The following ERCC6L2 variants were observed in gnomAD, a reference collection of about 807,000 sequenced individuals.
The protein encoded by ERCC6L2 is DNA excision repair protein ERCC-6-like 2.
ERCC6L2 carries 77 observed loss-of-function variants against 132.0 expected under a neutral mutation model. That is an observed-to-expected ratio of 0.58 (90% CI 0.49 to 0.71). The LOEUF (loss-of-function observed/expected upper bound fraction) is 0.71. Ranked by LOEUF, ERCC6L2 falls within the 30% of genes least tolerant of loss-of-function variation. The pLI is 0.00. For synonymous variants in ERCC6L2, 583 were observed against 632.4 expected (o/e 0.92, Z 1.17); for missense variants, 1,542 against 1,837.6 (o/e 0.84, Z 2.94).
chr9:96,038,425 G>A (rs1588071493), intron 19 of ERCC6L2, among the ~76,000 whole-genome samples: 1 of 152,236 alleles, frequency 6.6e-6, no homozygotes, highest in East Asian at 1.9e-4. Flanking sequence ...GCAGGGAGTG[G>A]TGTCTGGGCA....
Position 96,018,391 on chromosome 9 carries a change from C to A in ERCC6L2, c.*5188C>A, listed in dbSNP as rs572327581. Among the ~76,000 whole-genome samples the A allele has an allele frequency of 1.3e-5, 2 of 152,100 alleles. No homozygotes were observed. The highest frequency in any genetic ancestry group is 2.9e-5 in the Non-Finnish European group (2 of 68,018). On this transcript the variant is annotated 3_prime_UTR_variant, in exon 19 of 19. Coordinates refer to ENST00000653738, the MANE Select transcript of ERCC6L2 (RefSeq NM_020207.7). ...ATTATATTGTTTTTATGTTGACACT[C>A]CATATAAGCCATTATTTTGAAAAAA... is the stretch of plus-strand genomic sequence containing the variant.
intron 12 of ERCC6L2, chr9:95,955,059 C>A: frequency 2.7e-6 from 1 of 367,482 alleles, no homozygotes; most frequent in Admixed American, 3.5e-5. Context: ...GCAACTGTAA[C>A]AGGCATTGGG....
chr9:96,012,934 A>T lies in ERCC6L2; in HGVS notation c.4384A>T (p.Lys1462Ter). The change falls in exon 19 of 19, where the codon AAA becomes TAA. Residue 1462 changes from lysine (K) to a stop codon, truncating the protein, a stop_gained. Transcript: ENST00000653738. LOFTEE classifies it low-confidence loss of function (END_TRUNC). ...HGNSPTQLPK[K>*]VLSGPMEKAK... is the part of the protein sequence containing the mutation. ...GAACAGTCCCACACAACTGCCAAAG[A>T]AAGTTCTTTCAGGGCCCATGGAAAA... 1 of 1,367,502 alleles carries T rather than the reference A, an allele frequency of 7.3e-7. No homozygotes were observed. The highest frequency in any genetic ancestry group is 9.8e-7 in the Non-Finnish European group (1 of 1,021,732). The allele number at this position is 1,367,502 out of a possible 1,614,324, so 84.7% of individuals were successfully genotyped here.
rs371003658 is a variant in ERCC6L2 at position 95,921,241 on chromosome 9, G to A, written c.1225G>A (p.Val409Met). Residue 409 changes from valine to methionine, a missense_variant, in exon 7 of 19, where the codon GTG becomes ATG. Physicochemically the swap from Val to Met is conservative, Grantham distance 21. Around this residue, in one of 4 missense-constraint regions of ERCC6L2, gnomAD observed 945 missense variants for 1,105.2 expected, o/e 0.86. Transcript: ENST00000653738. Reference protein sequence around the residue: ...VYQTVLETEDVTLILQSSEPC... With the variant: ...VYQTVLETEDMTLILQSSEPC... ...TCAAACAGTGTTAGAAACAGAGGACGTGACTTTGATACTTCAATCTTCTGA... is the reference window on the plus strand; with the variant it reads ...TCAAACAGTGTTAGAAACAGAGGACATGACTTTGATACTTCAATCTTCTGA... The A allele has an allele frequency of 6.8e-6, 11 of 1,613,404 alleles. No individual in the cohort carries two copies. Among genetic ancestry groups the A allele is most frequent in the South Asian group, 1.1e-5 (1 of 91,070 alleles).
intron 17 of ERCC6L2, among the ~76,000 whole-genome samples, chr9:96,000,406 G>A (rs1455733870): frequency 6.6e-6 from 1 of 151,928 alleles, no homozygotes. Context: ...AGTTATAGAG[G>A]TAAATGTCTT....
At chr9:95,904,870 A>G (rs1828953947) in intron 3 of ERCC6L2, 1 of 152,208 alleles carries the variant, frequency 6.6e-6, no homozygotes, top group Non-Finnish European at 1.5e-5. Context: ...CTCTAGTTGC[A>G]TTATTTAACC....
At chr9:96,001,114 C>T (rs1833657931) in intron 17 of ERCC6L2, among the ~76,000 whole-genome samples, 1 of 152,040 alleles carries the variant, frequency 6.6e-6, no homozygotes, top group Non-Finnish European at 1.5e-5. Flanking sequence ...GGCTCGTGGT[C>T]TCGCTGGGCT....
chr9:96,016,088 T>G lies in ERCC6L2; in HGVS notation c.*2885T>G, dbSNP rs2133237814. Among the ~76,000 whole-genome samples, 1 of 152,216 alleles carries G rather than the reference T, an allele frequency of 6.6e-6. No homozygotes were observed. The highest frequency in any genetic ancestry group is 2.4e-5 in the African/African-American group (1 of 41,536). On this transcript the variant is annotated 3_prime_UTR_variant, in exon 19 of 19. Transcript: ENST00000653738. ...TTGACAAGATCCTTCCTACCCCCAC[T>G]CCACTGGTGATGTGTCACCAAGTTC... is the stretch of plus-strand genomic sequence containing the variant.
At chr9:96,030,680 C>T (rs545951461) in intron 19 of ERCC6L2, among the ~76,000 whole-genome samples, 2 of 134,908 alleles carry the variant, frequency 1.5e-5, no homozygotes, top group African/African-American at 5.7e-5. Context: ...CCAGCCTGGG[C>T]GACAAAGCGA....
intron 13 of ERCC6L2, among the ~76,000 whole-genome samples, chr9:95,958,861 C>T (rs893004976): frequency 2.0e-5 from 3 of 151,990 alleles, no homozygotes; most frequent in Non-Finnish European, 4.4e-5. Context: ...CAAACCACTG[C>T]TCAATGAAAT....
intron 1 of ERCC6L2, 44 bp downstream of exon 1, chr9:95,876,128 G>C: frequency 1.3e-6 from 2 of 1,526,776 alleles, no homozygotes. Flanking sequence ...CCTGTGTACT[G>C]CGTCGCGTTG....
At chr9:95,884,943 T>G (rs1480297123) in intron 2 of ERCC6L2, among the ~76,000 whole-genome samples, 1 of 152,204 alleles carries the variant, frequency 6.6e-6, no homozygotes, top group African/African-American at 2.4e-5. Flanking sequence ...TGAGTATTTT[T>G]AAGGTGAATT....
intron 17 of ERCC6L2, among the ~76,000 whole-genome samples, chr9:95,985,487 T>C (rs536320273): frequency 1.6e-4 from 24 of 152,342 alleles, no homozygotes; most frequent in African/African-American, 5.5e-4. Context: ...GCAGCATAAA[T>C]GCTGGTGTTC....
chr9:96,019,760 A>G (rs1170460470), downstream of ERCC6L2: 1 of 152,262 alleles, frequency 6.6e-6, no homozygotes. Context: ...TAATTGGCTC[A>G]CAGTTCCTTA....
chr9:96,006,752 A>G (rs1704754235), intron 18 of ERCC6L2, among the ~76,000 whole-genome samples: 1 of 152,198 alleles, frequency 6.6e-6, no homozygotes, highest in Admixed American at 6.5e-5. Flanking sequence ...GGACAAACAC[A>G]GGCACAGATG....
At chr9:95,936,338 T>C (rs2132846051) in intron 11 of ERCC6L2, among the ~76,000 whole-genome samples, 1 of 152,304 alleles carries the variant, frequency 6.6e-6, no homozygotes, top group South Asian at 2.1e-4. Context: ...AGCATTGATG[T>C]TATTTCATCT....
chr9:95,876,037 G>T lies in ERCC6L2; in HGVS notation c.-2G>T. ...CCGGGCTCGGCCCCTCCCCCTGGCC[G>T]GATGGATCCGTCGGCGCCACAGCCC... On this transcript the variant is annotated 5_prime_UTR_variant, in exon 1 of 19. Coordinates refer to ENST00000653738, the MANE Select transcript of ERCC6L2 (RefSeq NM_020207.7). The T allele has an allele frequency of 6.3e-7, 1 of 1,589,002 alleles. No individual in the cohort carries two copies. The highest frequency in any genetic ancestry group is 2.3e-5 in the East Asian group (1 of 43,162).
Position 95,897,834 on chromosome 9 carries a change from GTC to G in ERCC6L2, c.472-13_472-12del. 1 of 1,611,798 alleles carries G rather than the reference GTC, an allele frequency of 6.2e-7. No individual in the cohort carries two copies. Among genetic ancestry groups the G allele is most frequent in the Non-Finnish European group, 8.5e-7 (1 of 1,179,080 alleles). ...TACATTATACACAGTGATTGAAAAA[GTC>G]TTTTTTCCCCAGGTTATTTCATTTC... On this transcript the variant is annotated splice_polypyrimidine_tract_variant and intron_variant, in intron 2 of 18. Transcript: ENST00000653738.
intron 9 of ERCC6L2, among the ~76,000 whole-genome samples, chr9:95,925,908 A>G (rs770046788): frequency 2.0e-5 from 3 of 152,212 alleles, no homozygotes; most frequent in Non-Finnish European, 4.4e-5. Flanking sequence ...AAACAATCCA[A>G]TTGAAAAATG....
Sources: gnomAD v4.1 joint callset for allele counts (sites outside exome capture counted in the v4.1 genomes callset) on GRCh38, gnomAD v4.1.1 for gene constraint, gnomAD v4.1.1 regional missense constraint, MANE v1.5 for transcripts, NCBI Gene and HGNC (gene_info 2026-07-23, HGNC 2026-07-21) for gene names.